Variants in NEK1 observed in about 807,000 individuals in gnomAD.
NEK1 encodes serine/threonine-protein kinase Nek1.
In NEK1, 137 loss-of-function variants were observed where a neutral mutation model predicts 182.1. That is an observed-to-expected ratio of 0.75 (90% CI 0.65 to 0.87). NEK1 has a LOEUF of 0.87. Ranked by LOEUF, NEK1 falls within the 40% of genes least tolerant of loss-of-function variation. NEK1 has a pLI of 0.00. For missense variants in NEK1, 1,391 were observed against 1,494.4 expected, an observed-to-expected ratio of 0.93 and a Z score of 1.14; for synonymous variants, 513 against 492.2, an observed-to-expected ratio of 1.04 and a Z score of -0.56.
At position 169,580,744 on chromosome 4, in the gene NEK1, T is replaced by A. The variant is rs557391353; in HGVS notation, c.868+98A>T. Reference sequence around the variant, plus strand: ...CATTTTCTCTGGATTAAATTTATCCTAGAATTATCCCAACTTACTACATCT... The same window carrying A: ...CATTTTCTCTGGATTAAATTTATCCAAGAATTATCCCAACTTACTACATCT... On this transcript the variant is annotated intron_variant, in intron 11 of 35. Coordinates refer to ENST00000507142, the MANE Select transcript of NEK1 (RefSeq NM_001199397.3). 293 of 746,252 alleles carry A rather than the reference T, an allele frequency of 3.9e-4. 2 individuals are homozygous for A. In the South Asian group the frequency reaches 4.8e-3, roughly 12 times the overall value. The allele number at this position is 746,252 out of a possible 1,614,324, so 46.2% of individuals were successfully genotyped here.
rs561286458 is a variant in NEK1 at position 169,450,016 on chromosome 4, G to A, written c.2588-11757C>T. ...GATGGAGCTGAAAACCATGGCATGA[G>A]AACTTCGTGACACATGCATGAGCTT... On this transcript the variant is annotated intron_variant, in intron 27 of 35. Transcript: ENST00000507142. Among the ~76,000 whole-genome samples, 122 of 152,344 alleles carry A rather than the reference G, an allele frequency of 8.0e-4. 1 individual carries two copies. The highest frequency in any genetic ancestry group is 2.7e-3 in the African/African-American group (112 of 41,562).
chr4:169,515,370 G>C (rs1383660322), intron 19 of NEK1, among the ~76,000 whole-genome samples: 2 of 152,180 alleles, frequency 1.3e-5, no homozygotes, highest in African/African-American at 4.8e-5. Flanking sequence ...CAATTGCTGA[G>C]AGCAGGATGT....
chr4:169,539,330 G>T (rs1759016632), intron 18 of NEK1, among the ~76,000 whole-genome samples: 1 of 152,160 alleles, frequency 6.6e-6, no homozygotes, highest in Admixed American at 6.5e-5. Context: ...ATATATCAAT[G>T]TAAGGCTATA....
At chr4:169,589,334 C>T (rs1173063820) in intron 7 of NEK1, 113 bp downstream of exon 7, 3 of 692,042 alleles carry the variant, frequency 4.3e-6, no homozygotes, top group Non-Finnish European at 7.5e-6. Flanking sequence ...AATAAAGCAA[C>T]ATCCCAGTAA....
intron 27 of NEK1, among the ~76,000 whole-genome samples, chr4:169,453,434 C>A (rs142500086): frequency 2.0e-5 from 3 of 152,144 alleles, no homozygotes; most frequent in Admixed American, 2.0e-4. Flanking sequence ...TGGGTACAAG[C>A]CCCCCAAAAT....
intron 27 of NEK1, among the ~76,000 whole-genome samples, chr4:169,452,820 G>T (rs376063567): frequency 6.6e-6 from 1 of 152,144 alleles, no homozygotes; most frequent in Non-Finnish European, 1.5e-5. Context: ...CCAGGGCAAT[G>T]AGGCAAGAGA....
Position 169,555,863 on chromosome 4 carries a change from TA to T in NEK1, c.1431-13del. The T allele has an allele frequency of 6.2e-7, 1 of 1,613,860 alleles. No individual in the cohort carries two copies. Among genetic ancestry groups the T allele is most frequent in the East Asian group, 2.2e-5 (1 of 44,870 alleles). On this transcript the variant is annotated splice_polypyrimidine_tract_variant and intron_variant, in intron 17 of 35. Transcript: ENST00000507142. ...CAGGCAGAATTCCTCTGTAGATAAA[TA>T]TGCACAGTGACTTTCATTACTATCT... is the stretch of plus-strand genomic sequence containing the variant.
rs770313797 is a variant in NEK1, at chr4:169,477,458, T to A, written c.2179A>T (p.Met727Leu). 1.0e-5 allele frequency: 16 copies of A among 1,607,836 alleles called. No homozygotes were observed. In the South Asian group the frequency reaches 1.1e-4, roughly 11 times the overall value. The part of the protein sequence containing the change: ...LTDTRETSEE[M>L]QKTNNAISSK... ...GAAATAGCATTGTTGGTCTTTTGCA[T>A]CTCTTCTGAAGTTTCCCGGGTATCA... The change falls in exon 25 of 36, where the codon ATG (methionine) becomes TTG (leucine). Residue 727 changes from methionine (M) to leucine (L), a missense_variant. By Grantham distance (15) the Met-to-Leu change is conservative. Around this residue, in one of 5 missense-constraint regions of NEK1, gnomAD observed 1,216 missense variants for 1,277.6 expected, o/e 0.95. Coordinates refer to ENST00000507142, the MANE Select transcript of NEK1 (RefSeq NM_001199397.3).
intron 5 of NEK1, among the ~76,000 whole-genome samples, chr4:169,594,934 A>G (rs563558819): frequency 6.6e-6 from 1 of 152,306 alleles, no homozygotes; most frequent in Admixed American, 6.5e-5. Flanking sequence ...ACTCTGCCCC[A>G]ACAGAGCATT....
intron 11 of NEK1, among the ~76,000 whole-genome samples, chr4:169,577,963 G>A (rs1765984662): frequency 6.6e-6 from 1 of 151,894 alleles, no homozygotes; most frequent in Admixed American, 6.6e-5. Flanking sequence ...ATCATTAAGG[G>A]TTCCACAGAA....
At chr4:169,525,434 C>A (rs534523659) in intron 19 of NEK1, among the ~76,000 whole-genome samples, 1 of 151,938 alleles carries the variant, frequency 6.6e-6, no homozygotes, top group Non-Finnish European at 1.5e-5. Context: ...CCAGCCCAAA[C>A]GTTATTTTAG....
At chr4:169,598,728 T>C (rs139897013) in intron 5 of NEK1, among the ~76,000 whole-genome samples, 48 of 152,338 alleles carry the variant, frequency 3.2e-4, no homozygotes, top group Middle Eastern at 6.8e-3. Flanking sequence ...CAGTTGTCGG[T>C]GCAAGGCTTC....
chr4:169,454,577 A>T (rs1364648873), intron 27 of NEK1, among the ~76,000 whole-genome samples: 2 of 152,258 alleles, frequency 1.3e-5, no homozygotes, highest in Non-Finnish European at 1.5e-5. Flanking sequence ...CATATGAAAA[A>T]ATGCTCATCA....
At chr4:169,471,739 C>T (rs1490110696) in intron 26 of NEK1, among the ~76,000 whole-genome samples, 1 of 152,156 alleles carries the variant, frequency 6.6e-6, no homozygotes, top group Non-Finnish European at 1.5e-5. Flanking sequence ...GCCCCTTCCC[C>T]CAGGTGCTCT....
intron 30 of NEK1, among the ~76,000 whole-genome samples, chr4:169,425,668 C>T (rs1483358927): frequency 6.6e-6 from 1 of 151,944 alleles, no homozygotes; most frequent in Non-Finnish European, 1.5e-5. Flanking sequence ...ACAGGCATGC[C>T]ACCATGCCTG....
intron 31 of NEK1, among the ~76,000 whole-genome samples, chr4:169,412,521 A>T (rs1360075046): frequency 1.3e-5 from 2 of 152,208 alleles, no homozygotes; most frequent in Non-Finnish European, 2.9e-5. Context: ...CTTCACCATT[A>T]TCTTCTACTA....
chr4:169,457,780 A>G (rs1451293624), intron 27 of NEK1, among the ~76,000 whole-genome samples: 2 of 151,226 alleles, frequency 1.3e-5, no homozygotes, highest in Non-Finnish European at 2.9e-5. Flanking sequence ...AAGACAGGCA[A>G]TAATTCAAGA....
chr4:169,506,994 A>G, intron 23 of NEK1, 43 bp downstream of exon 23: 1 of 1,373,696 alleles, frequency 7.3e-7, no homozygotes, highest in Non-Finnish European at 1.0e-6. Context: ...GAGCTATAAA[A>G]ATGTTAATAC....
rs1235995212 is a variant in NEK1 at position 169,608,102 on chromosome 4, G to GACAC, written c.-49+3914_-49+3917dup. 1.3e-4 allele frequency among the ~76,000 whole-genome samples: 14 copies of GACAC among 108,890 alleles called. No homozygotes were observed. The South Asian group carries it at 3.3e-3, about 26-fold the overall frequency. The allele number at this position is 108,890 out of a possible 152,430, so 71.4% of individuals were successfully genotyped here. A position where few individuals can be genotyped will look rare whatever the true frequency, so the allele number is the denominator to read the frequency against. On this transcript the variant is annotated intron_variant, in intron 2 of 35. Coordinates refer to ENST00000507142, the MANE Select transcript of NEK1 (RefSeq NM_001199397.3). The stretch of plus-strand genomic sequence containing the variant: ...TTAGACAGGCTGATTTTAAAGTTCA[G>GACAC]ACACACACACACATACACACACACA...
Sources: allele counts gnomAD v4.1 joint callset (sites outside exome capture counted in the v4.1 genomes callset), GRCh38; gene constraint gnomAD v4.1.1; regional missense constraint gnomAD v4.1.1; transcripts MANE v1.5; gene names NCBI Gene and HGNC (gene_info 2026-07-23, HGNC 2026-07-21).